The following RCOR1 variants were observed in gnomAD, a reference collection of about 807,000 sequenced individuals.
RCOR1 encodes REST corepressor.
A neutral mutation model predicts 64.0 loss-of-function variants in RCOR1; 12 were observed. The ratio of observed to expected loss-of-function variants is 0.19; its 90% CI spans 0.12 to 0.30. The LOEUF (loss-of-function observed/expected upper bound fraction) is 0.30. RCOR1 is among the 10% of genes least tolerant of loss of function. The pLI, the probability that RCOR1 is intolerant of heterozygous loss-of-function variation, is 1.00. For missense variants in RCOR1, 502 were observed against 621.2 expected, an observed-to-expected ratio of 0.81 and a Z score of 2.04; for synonymous variants, 279 against 227.2, an observed-to-expected ratio of 1.23 and a Z score of -2.05.
intron 3 of RCOR1, 64 bp downstream of exon 3, chr14:102,682,042 T>A: frequency 3.6e-6 from 4 of 1,100,752 alleles, no homozygotes; most frequent in Non-Finnish European, 5.5e-6. Context: ...AAGGTACCTT[T>A]GAAGGTAAAA....
intron 2 of RCOR1, among the ~76,000 whole-genome samples, chr14:102,678,840 T>G (rs1397587284): frequency 6.6e-6 from 1 of 152,196 alleles, no homozygotes; most frequent in Non-Finnish European, 1.5e-5. Flanking sequence ...TAAATAATGG[T>G]TTCTCATCAT....
intron 11 of RCOR1, 42 bp downstream of exon 11, chr14:102,722,458 C>T (rs569200815): frequency 3.4e-5 from 51 of 1,483,224 alleles, no homozygotes; most frequent in African/African-American, 1.4e-4. Context: ...GTCAGGTTCA[C>T]GCTTGATACT....
At chr14:102,608,973 G>A (rs1033462749) in intron 2 of RCOR1, among the ~76,000 whole-genome samples, 1 of 150,836 alleles carries the variant, frequency 6.6e-6, no homozygotes, top group African/African-American at 2.4e-5. Flanking sequence ...TCCTTTTAGG[G>A]GTATATATCT....
At chr14:102,696,097 T>C (rs970628872) in intron 3 of RCOR1, among the ~76,000 whole-genome samples, 2 of 152,122 alleles carry the variant, frequency 1.3e-5, no homozygotes, top group African/African-American at 4.8e-5. Context: ...CATTGATCAT[T>C]ATTATCATCT....
chr14:102,617,045 T>C (rs545438852), intron 2 of RCOR1, among the ~76,000 whole-genome samples: 86 of 152,310 alleles, frequency 5.6e-4, no homozygotes, highest in African/African-American at 1.8e-3. Flanking sequence ...AGGCCAAATA[T>C]ATATTTCACA....
intron 5 of RCOR1, among the ~76,000 whole-genome samples, chr14:102,707,887 C>G (rs1895886878): frequency 6.6e-6 from 1 of 151,978 alleles, no homozygotes; most frequent in South Asian, 2.1e-4. Flanking sequence ...CTCCCGGGTT[C>G]AAGCGATTCT....
At chr14:102,665,368 A>G (rs1338619373) in intron 2 of RCOR1, among the ~76,000 whole-genome samples, 5 of 148,846 alleles carry the variant, frequency 3.4e-5, no homozygotes, top group Non-Finnish European at 5.9e-5. Context: ...TTGCCCAACT[A>G]CAGGCTAATG....
chr14:102,637,073 A>G (rs1055564335), intron 2 of RCOR1, among the ~76,000 whole-genome samples: 2 of 151,816 alleles, frequency 1.3e-5, no homozygotes, highest in African/African-American at 4.8e-5. Context: ...TTTGATGATT[A>G]TATATATGGT....
chr14:102,592,949 G>T lies in RCOR1; in HGVS notation c.63G>T (p.Ala21=). 8.3e-7 allele frequency: 1 copy of T among 1,200,754 alleles called. No individual in the cohort carries two copies. 74.4% of individuals were successfully genotyped at this position (1,200,754 alleles called of 1,614,324 possible). A position where few individuals can be genotyped will look rare whatever the true frequency, so the allele number is the denominator to read the frequency against. ...GGAAGCGGAGAGGGAGGAACAACGC[G>T]GCCGCCTCCGCCTCCGCCGCCGCCG... ...VSGKRRGRNN[A]AASASAAAAS... The change falls in exon 1 of 12, where the codon GCG becomes GCT. Residue 21 remains alanine (A), a synonymous_variant. Coordinates refer to ENST00000262241, the MANE Select transcript of RCOR1 (RefSeq NM_015156.4).
intron 2 of RCOR1, chr14:102,655,214 CA>C: frequency 1.0e-6 from 1 of 974,694 alleles, no homozygotes; most frequent in Middle Eastern, 5.4e-4. Context: ...GGGTTATGCA[CA>C]AGAGAAGTAC....
intron 2 of RCOR1, among the ~76,000 whole-genome samples, chr14:102,632,440 C>T (rs949586340): frequency 4.3e-4 from 64 of 148,398 alleles, no homozygotes; most frequent in African/African-American, 1.5e-3. Flanking sequence ...GTCCTGACCT[C>T]GTGATCTGCC....
chr14:102,600,970 A>G (rs1893383241), intron 2 of RCOR1, among the ~76,000 whole-genome samples: 1 of 150,908 alleles, frequency 6.6e-6, no homozygotes, highest in Non-Finnish European at 1.5e-5. Flanking sequence ...CAGGCGGATC[A>G]CTTGAGGTCG....
intron 2 of RCOR1, among the ~76,000 whole-genome samples, chr14:102,629,445 C>CA (rs1240333241): frequency 6.6e-6 from 1 of 151,436 alleles, no homozygotes; most frequent in African/African-American, 2.4e-5. Context: ...AACAGCCTCC[C>CA]CCCCCCCCAC....
chr14:102,722,384 A>T lies in RCOR1; in HGVS notation c.1387A>T (p.Asn463Tyr), dbSNP rs1263865930. 6.2e-7 allele frequency: 1 copy of T among 1,613,624 alleles called. No individual in the cohort carries two copies. The highest frequency in any genetic ancestry group is 8.5e-7 in the Non-Finnish European group (1 of 1,179,922). Reference sequence around the variant, plus strand: ...CCAGAAGCCTGTGAAGTCCCCAGATAATTCCATTAAGATGCCCGAAGAGGA... The same window carrying T: ...CCAGAAGCCTGTGAAGTCCCCAGATTATTCCATTAAGATGCCCGAAGAGGA... ...SNQKPVKSPD[N>Y]SIKMPEEEDE... Residue 463 changes from asparagine (N) to tyrosine (Y), a missense_variant, in exon 11 of 12, where the codon AAT becomes TAT. Around this residue, in one of 2 missense-constraint regions of RCOR1, gnomAD observed 260 missense variants for 416.4 expected, o/e 0.62. Transcript: ENST00000262241.
chr14:102,640,531 T>G (rs1364725613), intron 2 of RCOR1, among the ~76,000 whole-genome samples: 1 of 152,226 alleles, frequency 6.6e-6, no homozygotes, highest in East Asian at 1.9e-4. Context: ...GTATTTTGGT[T>G]GCAATTTTTT....
chr14:102,675,071 A>AG (rs1895114500), intron 2 of RCOR1, among the ~76,000 whole-genome samples: 1 of 145,914 alleles, frequency 6.9e-6, no homozygotes, highest in South Asian at 2.2e-4. Flanking sequence ...AAAAAAAAAA[A>AG]GTCAACTTTA....
chr14:102,666,074 C>T (rs1894911964), intron 2 of RCOR1, among the ~76,000 whole-genome samples: 1 of 152,048 alleles, frequency 6.6e-6, no homozygotes, highest in Non-Finnish European at 1.5e-5. Flanking sequence ...AGTAAGCAGA[C>T]TTACAAAGAT....
intron 2 of RCOR1, among the ~76,000 whole-genome samples, chr14:102,654,786 GTT>G (rs570052553): frequency 3.9e-3 from 456 of 118,358 alleles, no homozygotes; most frequent in African/African-American, 0.012. Flanking sequence ...CTGTGGTTGA[GTT>G]TTTTTTTTTT....
chr14:102,662,318 A>G lies in RCOR1; in HGVS notation c.362-19577A>G, dbSNP rs1344006627. On this transcript the variant is annotated intron_variant, in intron 2 of 11. Transcript: ENST00000262241. ...GTTGAACGTATGCCTCCTTCTCTCC[A>G]TCAGGCCGAATCAGGGTGTTGACCG... 7.1e-6 allele frequency: 4 copies of G among 559,738 alleles called. No homozygotes were observed. The Admixed American group carries it at 7.6e-5, about 11-fold the overall frequency. The allele number at this position is 559,738 out of a possible 1,614,324, so 34.7% of individuals were successfully genotyped here.
Sources: gnomAD v4.1 joint callset for allele counts (sites outside exome capture counted in the v4.1 genomes callset) on GRCh38, gnomAD v4.1.1 for gene constraint, gnomAD v4.1.1 regional missense constraint, MANE v1.5 for transcripts, NCBI Gene and HGNC (gene_info 2026-07-23, HGNC 2026-07-21) for gene names.